Variants in TRPV4 observed in about 807,000 individuals in gnomAD.
TRPV4 encodes the protein transient receptor potential cation channel subfamily V member 4, also known as OSM9-like transient receptor potential channel 4.
In TRPV4, 58 loss-of-function variants were observed where a neutral mutation model predicts 84.1. The observed-to-expected ratio is 0.69, with a 90% CI of 0.56 to 0.86. TRPV4 has a LOEUF of 0.86. Among genes scored for constraint, TRPV4 ranks in the 40% least tolerant of loss-of-function variants. The pLI is 0.00. For missense variants in TRPV4, 879 were observed against 1,181.1 expected (o/e 0.74, Z 3.75); for synonymous variants, 489 against 500.9 (o/e 0.98, Z 0.32).
At chr12:109,823,178 C>G (rs1258168464) in intron 1 of TRPV4, among the ~76,000 whole-genome samples, 1 of 152,214 alleles carries the variant, frequency 6.6e-6, no homozygotes, top group Non-Finnish European at 1.5e-5. Context: ...ATGCCCAGCA[C>G]CTTCCCTGGC....
rs777647151 is a variant in TRPV4 at position 109,814,571 on chromosome 12, G to A, written c.226C>T (p.Arg76Cys). 57 of 1,614,124 alleles carry A rather than the reference G, an allele frequency of 3.5e-5. 2 individuals carry two copies. Among genetic ancestry groups the A allele is most frequent in the South Asian group, 2.6e-4 (24 of 91,072 alleles). ...NLRMKFQGAF[R>C]KGVPNPIDLL... ...TCGATGGGGTTGGGCACCCCCTTGC[G>A]GAAGGCGCCCTGGAACTTCATGCGC... The change falls in exon 2 of 16, where the codon CGC becomes TGC. Residue 76 changes from arginine (R) to cysteine (C), a missense_variant. This residue lies in a region of TRPV4 where 521 missense variants were observed against 686.6 expected (regional missense o/e 0.76). Coordinates refer to ENST00000261740, the MANE Select transcript of TRPV4 (RefSeq NM_021625.5). This position sits in a 1 kb window ranked among gnomAD's most constrained non-coding sequence, Gnocchi z 5.4.
intron 12 of TRPV4, among the ~76,000 whole-genome samples, chr12:109,789,169 C>T (rs1359249675): frequency 6.6e-6 from 1 of 152,124 alleles, no homozygotes; most frequent in Non-Finnish European, 1.5e-5. Flanking sequence ...GGGAGGGTCT[C>T]AGTTTTTCCC....
At chr12:109,794,875 G>A (rs549245639) in intron 7 of TRPV4, among the ~76,000 whole-genome samples, 11 of 152,182 alleles carry the variant, frequency 7.2e-5, no homozygotes, top group South Asian at 4.2e-4. Flanking sequence ...ACAATTAGCC[G>A]GGCGTGGTGG....
chr12:109,783,930 GA>G lies in TRPV4; in HGVS notation c.2459-153del, dbSNP rs1889514699. 1 of 994,712 alleles carries G rather than the reference GA, an allele frequency of 1.0e-6. No homozygotes were observed. The highest frequency in any genetic ancestry group is 1.6e-5 in the African/African-American group (1 of 61,964). The allele number at this position is 994,712 out of a possible 1,614,324, so 61.6% of individuals were successfully genotyped here. ...TACAGAGGTGGAAACTGGGGCTCAA[GA>G]GAGGTCAAGGTGCCTCCCCAGGAGA... On this transcript the variant is annotated intron_variant, in intron 15 of 15. Transcript: ENST00000261740. The surrounding 1 kb of genome is among the most constrained non-coding windows in gnomAD (Gnocchi z 4.6).
In TRPV4 at chr12:109,788,810, G is replaced by A. The variant is rs530794069; in HGVS notation, c.1892-94C>T. ...TCATTTGCTGGAGGAGAAAGCTGAG[G>A]CCTAGTGAGCGGAGCACGCTGGCCC... On this transcript the variant is annotated intron_variant, in intron 12 of 15. Coordinates refer to ENST00000261740, the MANE Select transcript of TRPV4 (RefSeq NM_021625.5). 5.8e-5 allele frequency: 85 copies of A among 1,458,798 alleles called. 1 individual carries two copies. In the South Asian group the frequency reaches 8.7e-4, roughly 15 times the overall value. The allele number at this position is 1,458,798 out of a possible 1,614,324, so 90.4% of individuals were successfully genotyped here.
At chr12:109,789,739 T>C (rs1323790437) in intron 12 of TRPV4, among the ~76,000 whole-genome samples, 1 of 152,212 alleles carries the variant, frequency 6.6e-6, no homozygotes, top group East Asian at 1.9e-4. Context: ...TATGCAGATT[T>C]CAACTCATAT....
chr12:109,828,625 G>T (rs73202462), intron 1 of TRPV4, among the ~76,000 whole-genome samples: 1 of 152,200 alleles, frequency 6.6e-6, no homozygotes, highest in African/African-American at 2.4e-5. Flanking sequence ...AGCAACTGGC[G>T]GAGCTGGGAG....
intron 2 of TRPV4, 30 bp from the exon 3 acceptor site, chr12:109,808,498 G>A (rs1475438333): frequency 1.2e-6 from 2 of 1,601,338 alleles, no homozygotes; most frequent in Admixed American, 1.7e-5. Flanking sequence ...AAGTTGATGG[G>A]AGGGCTCATC....
Position 109,798,742 on chromosome 12 carries a change from C to CA in TRPV4, c.1023dup (p.Val342CysfsTer56). ...AGCAGCAGGTCGTACATCTTGGTAA[C>CA]AAACTTGGTGTTCTCACGGGTGTTG... On this transcript the variant is annotated frameshift_variant, in exon 6 of 16. Coordinates refer to ENST00000261740, the MANE Select transcript of TRPV4 (RefSeq NM_021625.5). LOFTEE classifies it high-confidence loss of function. The surrounding 1 kb of genome is among the most constrained non-coding windows in gnomAD (Gnocchi z 5.0). The CA allele has an allele frequency of 6.2e-7, 1 of 1,614,194 alleles. No individual in the cohort carries two copies. The highest frequency in any genetic ancestry group is 8.5e-7 in the Non-Finnish European group (1 of 1,180,048).
chr12:109,802,131 T>G (rs1172166563), intron 4 of TRPV4, among the ~76,000 whole-genome samples: 1 of 60,568 alleles, frequency 1.7e-5, no homozygotes, highest in Non-Finnish European at 2.8e-5. Context: ...TCTTGGAATC[T>G]TTTTTTTTTT....
intron 5 of TRPV4, 145 bp downstream of exon 5, chr12:109,800,473 T>C (rs1890703028): frequency 5.0e-6 from 5 of 1,009,936 alleles, no homozygotes; most frequent in Middle Eastern, 4.3e-4. Context: ...GTGCAGCCTG[T>C]GGTCCAGAGT....
rs201584110 is a variant in TRPV4, at chr12:109,798,594, G to T, written c.1152+20C>A. On this transcript the variant is annotated intron_variant, in intron 6 of 15. Coordinates refer to ENST00000261740, the MANE Select transcript of TRPV4 (RefSeq NM_021625.5). This position sits in a 1 kb window ranked among gnomAD's most constrained non-coding sequence, Gnocchi z 5.0. ...GGGTACGAGTAGGTGGATCAGCTGTGCCCCCAGCCGCACACTCACCCCAAT... is the reference window on the plus strand; with the variant it reads ...GGGTACGAGTAGGTGGATCAGCTGTTCCCCCAGCCGCACACTCACCCCAAT... 92 of 1,608,276 alleles carry T rather than the reference G, an allele frequency of 5.7e-5. 1 individual carries two copies. Among genetic ancestry groups the T allele is most frequent in the Non-Finnish European group, 7.6e-5 (90 of 1,179,968 alleles).
intron 1 of TRPV4, among the ~76,000 whole-genome samples, chr12:109,822,089 G>T (rs559966742): frequency 2.6e-5 from 4 of 152,196 alleles, no homozygotes; most frequent in Admixed American, 2.0e-4. Context: ...AAGATAAAGG[G>T]CAGAGGAGGT....
chr12:109,823,214 C>T (rs913074025), intron 1 of TRPV4, among the ~76,000 whole-genome samples: 1 of 152,258 alleles, frequency 6.6e-6, no homozygotes, highest in East Asian at 1.9e-4. Context: ...TAGCAGGTCT[C>T]GGCCCAGCCC....
At chr12:109,831,274 T>C (rs1176757121) in intron 1 of TRPV4, among the ~76,000 whole-genome samples, 1 of 152,242 alleles carries the variant, frequency 6.6e-6, no homozygotes, top group Non-Finnish European at 1.5e-5. Flanking sequence ...TCTGCATTTA[T>C]TCTTTAAGGT....
Position 109,793,288 on chromosome 12 carries a change from G to C in TRPV4, c.1658+239C>G, listed in dbSNP as rs895081494. On this transcript the variant is annotated intron_variant, in intron 10 of 15. Transcript: ENST00000261740. This position sits in a 1 kb window ranked among gnomAD's most constrained non-coding sequence, Gnocchi z 4.0. The stretch of plus-strand genomic sequence containing the variant: ...GGCAGACATTAGCAATCATTCACCA[G>C]CATAAGAGGTTAAAATTATTTCTAT... Among the ~76,000 whole-genome samples, 3 of 152,206 alleles carry C rather than the reference G, an allele frequency of 2.0e-5. No individual in the cohort carries two copies. The highest frequency in any genetic ancestry group is 6.5e-5 in the Admixed American group (1 of 15,278).
At position 109,812,873 on chromosome 12, in the gene TRPV4, G is replaced by T. The variant is rs78239610; in HGVS notation, c.386+1538C>A. 4.8e-3 allele frequency among the ~76,000 whole-genome samples: 732 copies of T among 152,320 alleles called. 9 individuals are homozygous for T. Among genetic ancestry groups the T allele is most frequent in the African/African-American group, 0.017 (711 of 41,552 alleles). ...TGGACAGATGGCTGACAGATGGGTA[G>T]ATGAGTAGATAGATATTTTAATGAG... is the stretch of plus-strand genomic sequence containing the variant. On this transcript the variant is annotated intron_variant, in intron 2 of 15. Transcript: ENST00000261740.
At chr12:109,789,869 C>G (rs1224999222) in intron 12 of TRPV4, among the ~76,000 whole-genome samples, 3 of 152,232 alleles carry the variant, frequency 2.0e-5, no homozygotes, top group African/African-American at 4.8e-5. Flanking sequence ...CTGCTATGGA[C>G]ACCAAAGTGT....
chr12:109,797,362 C>T (rs1234032207), intron 6 of TRPV4, among the ~76,000 whole-genome samples: 1 of 151,874 alleles, frequency 6.6e-6, no homozygotes, highest in Non-Finnish European at 1.5e-5. Flanking sequence ...CCATGTTGGC[C>T]AGGCTGGTCT....
Sources: allele counts gnomAD v4.1 joint callset (sites outside exome capture counted in the v4.1 genomes callset), GRCh38; gene constraint gnomAD v4.1.1; regional missense constraint gnomAD v4.1.1; non-coding constraint Gnocchi (gnomAD v3.1); transcripts MANE v1.5; gene names NCBI Gene and HGNC (gene_info 2026-07-23, HGNC 2026-07-21).